Variants in VPS36 observed in about 807,000 individuals in gnomAD.
VPS36 encodes vacuolar protein-sorting-associated protein 36.
Under a neutral mutation model 63.5 loss-of-function variants are expected in VPS36, and 31 were observed. That is an observed-to-expected ratio of 0.49 (90% confidence interval 0.37 to 0.66). VPS36 has a LOEUF of 0.66. Among genes scored for constraint, VPS36 ranks in the 30% least tolerant of loss-of-function variants. The pLI is 0.00. For missense variants in VPS36, 338 were observed against 463.7 expected, an observed-to-expected ratio of 0.73 and a Z score of 2.49; for synonymous variants, 138 against 157.2, an observed-to-expected ratio of 0.88 and a Z score of 0.91.
chr13:52,429,387 C>T (rs1038766720), intron 6 of VPS36: 37 of 774,448 alleles, frequency 4.8e-5, no homozygotes, highest in Middle Eastern at 6.4e-4. Flanking sequence ...ATTCATCTTT[C>T]AGCCTTTGAC....
At chr13:52,439,029 G>A in intron 3 of VPS36, 69 bp downstream of exon 3, 1 of 1,407,560 alleles carries the variant, frequency 7.1e-7, no homozygotes, top group Non-Finnish European at 9.9e-7. Context: ...TCTAAGATAG[G>A]ACCTCTTGGC....
chr13:52,424,034 A>G (rs568706558), intron 9 of VPS36, among the ~76,000 whole-genome samples: 122 of 151,914 alleles, frequency 8.0e-4, no homozygotes, highest in Non-Finnish European at 3.4e-4. Context: ...ATTTTTTTGT[A>G]TTTTTAGTAG....
intron 9 of VPS36, among the ~76,000 whole-genome samples, chr13:52,425,449 T>C (rs1417155497): frequency 3.3e-5 from 5 of 152,052 alleles, no homozygotes; most frequent in Admixed American, 6.6e-5. Flanking sequence ...TGAGTGGAGG[T>C]TGGTTTACAG....
rs1180912675 is a variant in VPS36, at chr13:52,413,732, CT to C, written c.*2097del. On this transcript the variant is annotated 3_prime_UTR_variant, in exon 14 of 14. Transcript: ENST00000378060. ...ACCAGTGATAAGCACCAAGACAGAA[CT>C]TTTTTGCACTTAGGGCCTGATTGGT... 6.6e-6 allele frequency: 1 copy of C among 152,220 alleles called. No individual in the cohort carries two copies. The highest frequency in any genetic ancestry group is 1.5e-5 in the Non-Finnish European group (1 of 67,974). The allele number at this position is 152,220 out of a possible 1,614,324, so 9.4% of individuals were successfully genotyped here. A position where few individuals can be genotyped will look rare whatever the true frequency, so the allele number is the denominator to read the frequency against.
chr13:52,426,501 C>T (rs1302242992), intron 8 of VPS36, among the ~76,000 whole-genome samples: 2 of 152,164 alleles, frequency 1.3e-5, no homozygotes, highest in Admixed American at 6.5e-5. Flanking sequence ...ATTGAAATAG[C>T]CTTTAATCCT....
At chr13:52,434,911 G>A in intron 4 of VPS36, 29 bp from the exon 5 acceptor site, 1 of 1,561,740 alleles carries the variant, frequency 6.4e-7, no homozygotes, top group Non-Finnish European at 8.8e-7. Flanking sequence ...CACTTTAAAT[G>A]ACTCAGTCAG....
At position 52,413,259 on chromosome 13, in the gene VPS36, T is replaced by C. The variant is rs970929756; in HGVS notation, c.*2571A>G. ...CAAGGAACAAGAAAGAGTACATTCA[T>C]CTGAATATACATGGTCAGGTAACAG... On this transcript the variant is annotated 3_prime_UTR_variant, in exon 14 of 14. Transcript: ENST00000378060. The C allele has an allele frequency of 2.6e-5, 4 of 152,224 alleles. No individual in the cohort carries two copies. The highest frequency in any genetic ancestry group is 9.6e-5 in the African/African-American group (4 of 41,462). The allele number at this position is 152,224 out of a possible 1,614,324, so 9.4% of individuals were successfully genotyped here.
chr13:52,445,905 A>C (rs1178708753), intron 1 of VPS36, among the ~76,000 whole-genome samples: 2 of 119,904 alleles, frequency 1.7e-5, no homozygotes, highest in Non-Finnish European at 3.3e-5. Flanking sequence ...GCGCCACTGC[A>C]CTCCAGCCTG....
chr13:52,443,461 C>T lies in VPS36; in HGVS notation c.97-1016G>A, dbSNP rs140873662. On this transcript the variant is annotated intron_variant, in intron 1 of 13. Transcript: ENST00000378060. ...AGGAAGAGACAGGAGGGCTTCCTCT[C>T]CATGAACACGTGCTGACAAAAGACC... Among the ~76,000 whole-genome samples, 94 of 152,224 alleles carry T rather than the reference C, an allele frequency of 6.2e-4. 1 individual carries two copies. Among genetic ancestry groups the T allele is most frequent in the African/African-American group, 2.0e-3 (83 of 41,518 alleles).
rs1370863017 is a variant in VPS36 at position 52,413,846 on chromosome 13, C to T, written c.*1984G>A. 6.6e-6 allele frequency: 1 copy of T among 152,308 alleles called. No individual in the cohort carries two copies. Among genetic ancestry groups the T allele is most frequent in the Non-Finnish European group, 1.5e-5 (1 of 67,990 alleles). The allele number at this position is 152,308 out of a possible 1,614,324, so 9.4% of individuals were successfully genotyped here. The stretch of plus-strand genomic sequence containing the variant: ...AAAAAAAGATAAAAATACACAAATA[C>T]ATACAAAGGTCTCGAAACAGTGAAG... On this transcript the variant is annotated 3_prime_UTR_variant, in exon 14 of 14. Coordinates refer to ENST00000378060, the MANE Select transcript of VPS36 (RefSeq NM_016075.4).
At chr13:52,437,774 C>CA (rs1352649553) in intron 3 of VPS36, among the ~76,000 whole-genome samples, 1 of 151,820 alleles carries the variant, frequency 6.6e-6, no homozygotes, top group Non-Finnish European at 1.5e-5. Flanking sequence ...ACTAAAAATA[C>CA]AAAAAATTAG....
intron 6 of VPS36, among the ~76,000 whole-genome samples, chr13:52,428,860 T>C (rs8001624): frequency 0.58 from 87,460 of 151,894 alleles, 25,643 homozygotes; most frequent in Middle Eastern, 0.7. Flanking sequence ...ACAAAGAATA[T>C]GTAAATAAGT....
intron 9 of VPS36, among the ~76,000 whole-genome samples, chr13:52,424,529 A>G (rs868665204): frequency 6.6e-6 from 1 of 152,244 alleles, no homozygotes; most frequent in Non-Finnish European, 1.5e-5. Context: ...CACACCCTAT[A>G]GTCTAAACAA....
Position 52,427,170 on chromosome 13 carries a change from G to A in VPS36, c.561+17C>T, listed in dbSNP as rs200560888. The A allele has an allele frequency of 1.7e-4, 274 of 1,611,194 alleles. 1 individual carries two copies. In the African/African-American group the frequency reaches 3.4e-3, roughly 20 times the overall value. On this transcript the variant is annotated intron_variant, in intron 7 of 13. Coordinates refer to ENST00000378060, the MANE Select transcript of VPS36 (RefSeq NM_016075.4). ...ATCATAATTGGTATGAATTTAATAG[G>A]CATAAATGACATATACCTTGATCAT...
intron 10 of VPS36, among the ~76,000 whole-genome samples, chr13:52,418,530 G>C (rs1260278396): frequency 7.8e-6 from 1 of 127,518 alleles, no homozygotes; most frequent in South Asian, 2.4e-4. Flanking sequence ...AGCCGAGATC[G>C]CACCATGCAT....
chr13:52,449,230 G>T (rs1958374491), intron 1 of VPS36, among the ~76,000 whole-genome samples: 1 of 152,208 alleles, frequency 6.6e-6, no homozygotes, highest in South Asian at 2.1e-4. Context: ...TGTAATCCCA[G>T]TTACTCAGGA....
chr13:52,439,171 A>T lies in VPS36; in HGVS notation c.166-3T>A. On this transcript the variant is annotated splice_region_variant and splice_polypyrimidine_tract_variant and intron_variant, in intron 2 of 13. Coordinates refer to ENST00000378060, the MANE Select transcript of VPS36 (RefSeq NM_016075.4). ...AGGAGAATGGCCATGCAACACTCCT[A>T]GGAGGAAATCAATAGCTTAAATGAA... 3 of 1,613,140 alleles carry T rather than the reference A, an allele frequency of 1.9e-6. No homozygotes were observed. The highest frequency in any genetic ancestry group is 2.5e-6 in the Non-Finnish European group (3 of 1,179,512).
intron 2 of VPS36, among the ~76,000 whole-genome samples, chr13:52,440,257 G>A (rs1408413054): frequency 6.6e-6 from 1 of 152,032 alleles, no homozygotes; most frequent in Non-Finnish European, 1.5e-5. Flanking sequence ...GGGATTTACA[G>A]GCATGAGCCA....
Position 52,416,095 on chromosome 13 carries a change from T to A in VPS36, c.991-2A>T, listed in dbSNP as rs1227434930. 6.2e-7 allele frequency: 1 copy of A among 1,612,322 alleles called. No individual in the cohort carries two copies. The highest frequency in any genetic ancestry group is 1.3e-5 in the African/African-American group (1 of 74,822). ...TGTTAGGGATCCCTTTTCTGAAACC[T>A]AATAGAAACACACAGCAGAAAAAAA... On this transcript the variant is annotated splice_acceptor_variant, in intron 12 of 13. Coordinates refer to ENST00000378060, the MANE Select transcript of VPS36 (RefSeq NM_016075.4). LOFTEE classifies it high-confidence loss of function.
Sources: gnomAD v4.1 joint callset for allele counts (sites outside exome capture counted in the v4.1 genomes callset) on GRCh38, gnomAD v4.1.1 for gene constraint, MANE v1.5 for transcripts, NCBI Gene and HGNC (gene_info 2026-07-23, HGNC 2026-07-21) for gene names.